The following DMD variants were observed in gnomAD, a reference collection of about 807,000 sequenced individuals.
The protein encoded by DMD is mutant dystrophin.
A neutral mutation model predicts 330.1 loss-of-function variants in DMD; 63 were observed. That is an observed-to-expected ratio of 0.19 (90% CI 0.16 to 0.24). The LOEUF (loss-of-function observed/expected upper bound fraction) is 0.24, where lower values mean the gene tolerates loss of function less well. Among genes scored for constraint, DMD ranks in the 10% least tolerant of loss-of-function variants. The pLI, the probability that DMD is intolerant of heterozygous loss-of-function variation, is 1.00. For missense variants in DMD, 3,344 were observed against 2,684.1 expected, an observed-to-expected ratio of 1.25 and a Z score of -5.43; for synonymous variants, 1,223 against 959.8, an observed-to-expected ratio of 1.27 and a Z score of -5.07.
intron 7 of DMD, among the ~76,000 whole-genome samples, chrX:32,782,898 CAT>C (rs763667436): frequency 7.6e-5 from 8 of 105,316 alleles, no homozygotes; most frequent in African/African-American, 2.4e-4. Flanking sequence ...TACATATACA[CAT>C]ATATATCATA....
intron 11 of DMD, among the ~76,000 whole-genome samples, chrX:32,634,502 G>C (rs1217929770): frequency 8.9e-6 from 1 of 112,057 alleles, no homozygotes; most frequent in Non-Finnish European, 1.9e-5. Context: ...AGTACTGCCT[G>C]GCTACAGCTG....
chrX:32,027,382 G>A (rs2095854568), intron 44 of DMD, among the ~76,000 whole-genome samples: 1 of 111,481 alleles, frequency 9.0e-6, no homozygotes, highest in Admixed American at 9.5e-5. Context: ...AAAAAGCTTG[G>A]TGTAAAGAAG....
intron 44 of DMD, among the ~76,000 whole-genome samples, chrX:32,064,871 T>C (rs1363176666): frequency 1.8e-5 from 2 of 111,575 alleles, no homozygotes; most frequent in Non-Finnish European, 3.8e-5. Flanking sequence ...TTGCTTCTTG[T>C]AGATAATGAA....
At chrX:32,894,255 C>T (rs933049888) in intron 2 of DMD, among the ~76,000 whole-genome samples, 46 of 111,947 alleles carry the variant, frequency 4.1e-4, no homozygotes, top group African/African-American at 1.4e-3. Context: ...CCCTCAATAG[C>T]GAAGGCATCA....
At chrX:33,317,077 G>A (rs1215243649) in intron 1 of DMD, among the ~76,000 whole-genome samples, 1 of 110,128 alleles carries the variant, frequency 9.1e-6, no homozygotes, top group Non-Finnish European at 1.9e-5. Flanking sequence ...GTTCCTTCTA[G>A]CAATAATGGG....
intron 2 of DMD, among the ~76,000 whole-genome samples, chrX:32,913,080 A>G (rs2087442230): frequency 8.9e-6 from 1 of 111,748 alleles, no homozygotes; most frequent in Non-Finnish European, 1.9e-5. Context: ...GCACTAAAAG[A>G]TGAGGGTTTA....
intron 21 of DMD, among the ~76,000 whole-genome samples, chrX:32,475,176 T>C (rs1221782770): frequency 9.0e-6 from 1 of 110,850 alleles, no homozygotes; most frequent in Non-Finnish European, 1.9e-5. Flanking sequence ...AGTATTTTGG[T>C]TTATTTCTGG....
At chrX:33,128,154 G>A (rs760085628) in intron 1 of DMD, 3 of 1,207,673 alleles carry the variant, frequency 2.5e-6, no homozygotes, top group Non-Finnish European at 3.4e-6. Flanking sequence ...CACCAGATGA[G>A]ACCTCAGACA....
rs1436488270 is a variant in DMD at position 32,963,277 on chromosome X, A to G, written c.93+56862T>C. Among the ~76,000 whole-genome samples, 4 of 112,234 alleles carry G rather than the reference A, an allele frequency of 3.6e-5. No homozygotes were observed. In the Admixed American group the frequency reaches 3.8e-4, roughly 11 times the overall value. ...TAAAGTGTTATAATAACAGGCTGAA[A>G]GAACTATGATTCTGTCTTCTTTATC... is the stretch of plus-strand genomic sequence containing the variant. On this transcript the variant is annotated intron_variant, in intron 2 of 78. Transcript: ENST00000357033.
rs751145927 is a variant in DMD, at chrX:31,929,661, T to C, written c.6847A>G (p.Ile2283Val). 19 of 1,209,473 alleles carry C rather than the reference T, an allele frequency of 1.6e-5. No homozygotes were observed. Among genetic ancestry groups the C allele is most frequent in the African/African-American group, 1.4e-4 (8 of 57,099 alleles). ...AGTTTATCTTGCTCTTCTGGGCTTA[T>C]GGGAGCACTTACAAGCACGGGTCCT... ...TGGPVLVSAPISPEEQDKLEN... is the reference protein window; with the variant it reads ...TGGPVLVSAPVSPEEQDKLEN... Residue 2283 changes from isoleucine to valine, a missense_variant, in exon 47 of 79, where the codon ATA becomes GTA. Coordinates refer to ENST00000357033, the MANE Select transcript of DMD (RefSeq NM_004006.3).
chrX:33,263,368 A>T (rs1352356775), intron 1 of DMD, among the ~76,000 whole-genome samples: 1 of 109,209 alleles, frequency 9.2e-6, no homozygotes, highest in Non-Finnish European at 1.9e-5. Context: ...TTTAAATTAC[A>T]GTGCTTTATC....
chrX:32,604,175 A>T (rs1022207030), intron 12 of DMD, among the ~76,000 whole-genome samples: 1 of 110,805 alleles, frequency 9.0e-6, no homozygotes, highest in African/African-American at 3.3e-5. Context: ...TATGCCAGGT[A>T]GGCAGGGATA....
chrX:33,277,537 T>C (rs1304487343), intron 1 of DMD, among the ~76,000 whole-genome samples: 2 of 110,811 alleles, frequency 1.8e-5, no homozygotes, highest in African/African-American at 6.6e-5. Context: ...AGCAGACACG[T>C]CCTTATGAGA....
intron 54 of DMD, among the ~76,000 whole-genome samples, chrX:31,655,743 T>C (rs1037683896): frequency 9.0e-6 from 1 of 110,989 alleles, no homozygotes; most frequent in African/African-American, 3.3e-5. Context: ...CATGGAATCA[T>C]GACACAACAA....
intron 44 of DMD, among the ~76,000 whole-genome samples, chrX:32,210,917 G>A (rs2097091445): frequency 8.9e-6 from 1 of 111,747 alleles, no homozygotes; most frequent in Admixed American, 9.5e-5. Context: ...AAACTTTTGA[G>A]CAGGAGTCAC....
intron 52 of DMD, 52 bp from the exon 53 acceptor site, chrX:31,679,638 G>T: frequency 9.6e-7 from 1 of 1,040,302 alleles, no homozygotes; most frequent in Non-Finnish European, 1.3e-6. Flanking sequence ...GTCTGGAGGA[G>T]ACATTTTAAA....
intron 54 of DMD, among the ~76,000 whole-genome samples, chrX:31,643,392 C>G (rs1376164835): frequency 2.7e-5 from 3 of 111,376 alleles, no homozygotes; most frequent in African/African-American, 9.8e-5. Context: ...TAAAACTTTT[C>G]ATTTGAAAAT....
chrX:32,627,813 C>T (rs1408191580), intron 11 of DMD, among the ~76,000 whole-genome samples: 6 of 111,133 alleles, frequency 5.4e-5, no homozygotes, highest in Admixed American at 9.6e-5. Context: ...TTCACCAAAA[C>T]GAAAATTACA....
chrX:33,298,515 A>G, intron 1 of DMD, among the ~76,000 whole-genome samples: 1 of 112,138 alleles, frequency 8.9e-6, no homozygotes, highest in Non-Finnish European at 1.9e-5. Context: ...GTGATTCTTA[A>G]ACACATTTCT....
Sources: gnomAD v4.1 joint callset for allele counts (sites outside exome capture counted in the v4.1 genomes callset) on GRCh38, gnomAD v4.1.1 for gene constraint, MANE v1.5 for transcripts, NCBI Gene and HGNC (gene_info 2026-07-23, HGNC 2026-07-21) for gene names.